SPTLC3: variants seen among roughly 807,000 people sequenced by gnomAD.
SPTLC3 encodes serine palmitoyltransferase 3.
SPTLC3 carries 36 observed loss-of-function variants against 59.3 expected under a neutral mutation model. That is an observed-to-expected ratio of 0.61 (90% CI 0.47 to 0.80). SPTLC3 has a LOEUF of 0.80. Among genes scored for constraint, SPTLC3 ranks in the 30% least tolerant of loss-of-function variants. The probability of loss-of-function intolerance (pLI) is 0.00; values close to 1 mark genes in which losing one functional copy is unlikely to be tolerated. For missense variants in SPTLC3, 625 were observed against 685.1 expected, an observed-to-expected ratio of 0.91 and a Z score of 0.98; for synonymous variants, 257 against 240.8, an observed-to-expected ratio of 1.07 and a Z score of -0.62.
intron 1 of SPTLC3, among the ~76,000 whole-genome samples, chr20:13,048,547 T>C (rs1017469565): frequency 6.6e-6 from 1 of 152,224 alleles, no homozygotes; most frequent in African/African-American, 2.4e-5. Context: ...TTGCTGTGTA[T>C]TGAATATTAC....
intron 10 of SPTLC3, among the ~76,000 whole-genome samples, chr20:13,156,039 A>G (rs550906975): frequency 6.6e-6 from 1 of 152,150 alleles, no homozygotes; most frequent in South Asian, 2.1e-4. Context: ...ATCTTTAACC[A>G]TCTGATTTTT....
intron 2 of SPTLC3, among the ~76,000 whole-genome samples, chr20:13,066,856 C>T (rs6109681): frequency 0.35 from 52,655 of 150,892 alleles, 9,973 homozygotes; most frequent in African/African-American, 0.51. Flanking sequence ...CTGAATCTGC[C>T]CTATATATAT....
At chr20:13,113,192 A>G (rs1412929918) in intron 7 of SPTLC3, among the ~76,000 whole-genome samples, 2 of 152,106 alleles carry the variant, frequency 1.3e-5, no homozygotes, top group African/African-American at 2.4e-5. Context: ...CAACAACAAC[A>G]ACAACAAAAA....
chr20:13,047,059 A>G (rs150123822), intron 1 of SPTLC3, among the ~76,000 whole-genome samples: 2 of 152,346 alleles, frequency 1.3e-5, no homozygotes, highest in East Asian at 3.9e-4. Context: ...CCATTTTAAT[A>G]ATATTTTGTG....
At chr20:13,048,446 C>T (rs1481635271) in intron 1 of SPTLC3, among the ~76,000 whole-genome samples, 3 of 152,076 alleles carry the variant, frequency 2.0e-5, no homozygotes, top group African/African-American at 7.2e-5. Context: ...CACATAAGGT[C>T]GTTTACCATG....
At chr20:13,163,299 C>T (rs1211347443) in intron 11 of SPTLC3, among the ~76,000 whole-genome samples, 2 of 140,032 alleles carry the variant, frequency 1.4e-5, no homozygotes, top group South Asian at 2.3e-4. Flanking sequence ...ACCCGGGAGG[C>T]GGAGGTTGCA....
intron 8 of SPTLC3, among the ~76,000 whole-genome samples, chr20:13,118,566 A>G (rs530456822): frequency 6.6e-6 from 1 of 152,284 alleles, no homozygotes; most frequent in Admixed American, 6.5e-5. Context: ...GGAGCCAGTT[A>G]TCTGAACAAT....
At chr20:13,074,098 TC>T in intron 3 of SPTLC3, 6 of 670,336 alleles carry the variant, frequency 9.0e-6, no homozygotes, top group Non-Finnish European at 1.7e-5. Context: ...TTCATCCTTT[TC>T]CAGCTTCCAG....
intron 9 of SPTLC3, among the ~76,000 whole-genome samples, chr20:13,138,358 C>T (rs2038300712): frequency 6.6e-6 from 1 of 152,168 alleles, no homozygotes; most frequent in South Asian, 2.1e-4. Flanking sequence ...ACACTACCCC[C>T]ATTCATTATC....
chr20:13,027,907 C>G (rs1482581605), intron 1 of SPTLC3, among the ~76,000 whole-genome samples: 1 of 152,162 alleles, frequency 6.6e-6, no homozygotes, highest in African/African-American at 2.4e-5. Flanking sequence ...CATCACATCT[C>G]TATGTTTTAT....
intron 1 of SPTLC3, among the ~76,000 whole-genome samples, chr20:13,043,566 T>G (rs1012269186): frequency 6.6e-6 from 1 of 152,212 alleles, no homozygotes; most frequent in South Asian, 2.1e-4. Context: ...GCTACTGAGA[T>G]AGTCTGCGTC....
intron 8 of SPTLC3, among the ~76,000 whole-genome samples, chr20:13,119,555 T>C (rs1265363186): frequency 6.6e-6 from 1 of 152,232 alleles, no homozygotes; most frequent in African/African-American, 2.4e-5. Context: ...GTTCATTTTC[T>C]TATCTCTTAA....
intron 10 of SPTLC3, among the ~76,000 whole-genome samples, chr20:13,158,420 T>C (rs916005663): frequency 1.3e-5 from 2 of 152,176 alleles, no homozygotes; most frequent in Non-Finnish European, 2.9e-5. Context: ...CTGCATTCTT[T>C]GGCAAAACGT....
chr20:13,157,083 C>T (rs6041916), intron 10 of SPTLC3, among the ~76,000 whole-genome samples: 5,838 of 152,108 alleles, frequency 0.038, 164 homozygotes, highest in African/African-American at 0.081. Flanking sequence ...CGATTACCCA[C>T]GGAGGGTAGG....
chr20:13,093,480 A>T lies in SPTLC3; in HGVS notation c.733-4A>T. The T allele has an allele frequency of 6.2e-7, 1 of 1,612,882 alleles. No individual in the cohort carries two copies. The highest frequency in any genetic ancestry group is 8.5e-7 in the Non-Finnish European group (1 of 1,179,158). On this transcript the variant is annotated splice_region_variant and splice_polypyrimidine_tract_variant and intron_variant, in intron 5 of 11. Transcript: ENST00000399002. The stretch of plus-strand genomic sequence containing the variant: ...TGTGTTTTGTGTGCTTGTTTTCTGC[A>T]CAGGGATGCCTCATTTTAAGTGATG...
At chr20:13,081,105 GA>G (rs1988828828) in intron 4 of SPTLC3, among the ~76,000 whole-genome samples, 1 of 152,258 alleles carries the variant, frequency 6.6e-6, no homozygotes, top group East Asian at 1.9e-4. Context: ...GGCCGAAGTT[GA>G]GGACAGCTTC....
intron 9 of SPTLC3, 35 bp downstream of exon 9, chr20:13,126,752 C>T (rs749052077): frequency 1.2e-6 from 2 of 1,610,750 alleles, no homozygotes; most frequent in Admixed American, 3.4e-5. Context: ...GCTCCTGGAC[C>T]TCTCTGTCTC....
intron 4 of SPTLC3, among the ~76,000 whole-genome samples, chr20:13,078,033 C>T (rs1371124062): frequency 2.0e-5 from 3 of 150,302 alleles, no homozygotes; most frequent in South Asian, 4.2e-4. Context: ...ACCTTGATTT[C>T]CAAATCTAAC....
In SPTLC3 at chr20:13,167,641, T is replaced by C. The variant is rs2039000583; in HGVS notation, c.*2774T>C. The C allele has an allele frequency of 6.6e-6, 1 of 152,212 alleles. No individual in the cohort carries two copies. The highest frequency in any genetic ancestry group is 2.1e-4 in the South Asian group (1 of 4,822). 9.4% of individuals were successfully genotyped at this position (152,212 alleles called of 1,614,324 possible). A position where few individuals can be genotyped will look rare whatever the true frequency, so the allele number is the denominator to read the frequency against. On this transcript the variant is annotated 3_prime_UTR_variant, in exon 12 of 12. Transcript: ENST00000399002. ...TAATAAGGAAATGGCATAGACTTATTCCTAATCTCATTATGAAACGATGGT... is the reference window on the plus strand; with the variant it reads ...TAATAAGGAAATGGCATAGACTTATCCCTAATCTCATTATGAAACGATGGT...
Sources: gnomAD v4.1 joint callset for allele counts (sites outside exome capture counted in the v4.1 genomes callset) on GRCh38, gnomAD v4.1.1 for gene constraint, MANE v1.5 for transcripts, NCBI Gene and HGNC (gene_info 2026-07-23, HGNC 2026-07-21) for gene names.